The following PCDHGA9 variants were observed in gnomAD, a reference collection of about 807,000 sequenced individuals.
The protein encoded by PCDHGA9 is protocadherin gamma subfamily A, 9.
A neutral mutation model predicts 62.5 loss-of-function variants in PCDHGA9; 37 were observed. The ratio of observed to expected loss-of-function variants is 0.59; its 90% CI spans 0.46 to 0.78. The LOEUF is 0.78. Among genes scored for constraint, PCDHGA9 ranks in the 30% least tolerant of loss-of-function variants. The pLI is 0.00. For synonymous variants in PCDHGA9, 459 were observed against 484.6 expected, an observed-to-expected ratio of 0.95 and a Z score of 0.69; for missense variants, 1,138 against 1,166.2, an observed-to-expected ratio of 0.98 and a Z score of 0.35.
At chr5:141,505,536 C>T (rs749205049) in intron 3 of PCDHGA9, 55 bp downstream of exon 3, 9 of 1,610,164 alleles carry the variant, frequency 5.6e-6, no homozygotes, top group Non-Finnish European at 7.6e-6. Context: ...TTCTGGGGTG[C>T]ATCTCACAGC....
chr5:141,429,534 A>G (rs1036595279), intron 1 of PCDHGA9, among the ~76,000 whole-genome samples: 1 of 152,222 alleles, frequency 6.6e-6, no homozygotes. Context: ...GCTTAAAAAA[A>G]TAAGAACATG....
chr5:141,500,520 T>TA (rs2099801149), intron 2 of PCDHGA9, among the ~76,000 whole-genome samples: 2 of 152,312 alleles, frequency 1.3e-5, no homozygotes, highest in Admixed American at 1.3e-4. Flanking sequence ...AGCTTCATTT[T>TA]AAAAAAATCT....
At position 141,403,598 on chromosome 5, in the gene PCDHGA9, G is replaced by T; in HGVS notation, c.646G>T (p.Asp216Tyr). The T allele has an allele frequency of 6.2e-7, 1 of 1,613,820 alleles. No individual in the cohort carries two copies. The highest frequency in any genetic ancestry group is 8.5e-7 in the Non-Finnish European group (1 of 1,179,894). Residue 216 changes from aspartate to tyrosine, a missense_variant, in exon 1 of 4, where the codon GAT becomes TAT. Asp to Tyr is a radical substitution (Grantham distance 160). Coordinates refer to ENST00000573521, the MANE Select transcript of PCDHGA9 (RefSeq NM_018921.3). ...TAHHLVLTAS[D>Y]GGEPRRSSTV... The stretch of plus-strand genomic sequence containing the variant: ...CCACCACCTGGTCCTCACGGCCTCG[G>T]ATGGCGGCGAGCCGCGTCGCTCCAG...
chr5:141,497,509 C>T (rs1282025317), intron 2 of PCDHGA9, among the ~76,000 whole-genome samples: 1 of 151,184 alleles, frequency 6.6e-6, no homozygotes, highest in Non-Finnish European at 1.5e-5. Flanking sequence ...CTCTCTGCTT[C>T]CTTAGTTAAC....
In PCDHGA9 at chr5:141,478,818, C is replaced by T. The variant is rs980032138; in HGVS notation, c.2425-15989C>T. ...AGCACTCTTTTGCTATCACAACTAA[C>T]CAATCTTGCTAAGGGATGGTTAAGC... On this transcript the variant is annotated intron_variant, in intron 1 of 3. Transcript: ENST00000573521. The T allele has an allele frequency of 2.1e-5, 30 of 1,449,330 alleles. No individual in the cohort carries two copies. The African/African-American group carries it at 3.3e-4, about 16-fold the overall frequency. 89.8% of individuals were successfully genotyped at this position (1,449,330 alleles called of 1,614,324 possible). A position where few individuals can be genotyped will look rare whatever the true frequency, so the allele number is the denominator to read the frequency against.
chr5:141,483,730 T>G (rs999201456), intron 1 of PCDHGA9, among the ~76,000 whole-genome samples: 1 of 152,014 alleles, frequency 6.6e-6, no homozygotes, highest in Non-Finnish European at 1.5e-5. Flanking sequence ...CCCACCATAG[T>G]CAAAAGGATA....
At chr5:141,465,141 A>AT (rs1341872532) in intron 1 of PCDHGA9, among the ~76,000 whole-genome samples, 2 of 151,678 alleles carry the variant, frequency 1.3e-5, no homozygotes, top group Non-Finnish European at 2.9e-5. Flanking sequence ...AGTTTAGGGG[A>AT]TATATGAAGG....
At chr5:141,441,797 G>T in intron 1 of PCDHGA9, 1 of 386,536 alleles carries the variant, frequency 2.6e-6, no homozygotes, top group Non-Finnish European at 5.2e-6. Context: ...ACAACGCACC[G>T]CGGGTGCTGT....
chr5:141,504,135 C>T (rs758903340), intron 2 of PCDHGA9, among the ~76,000 whole-genome samples: 1 of 152,188 alleles, frequency 6.6e-6, no homozygotes, highest in Non-Finnish European at 1.5e-5. Context: ...CCCGCCAACA[C>T]TCCCCTGCAA....
Position 141,489,948 on chromosome 5 carries a change from T to G in PCDHGA9, c.2425-4859T>G. The G allele has an allele frequency of 6.2e-7, 1 of 1,614,210 alleles. No homozygotes were observed. Among genetic ancestry groups the G allele is most frequent in the Non-Finnish European group, 8.5e-7 (1 of 1,180,030 alleles). ...TCTCTGTCATCGTGCTGGACATCAA[T>G]GATAATGCTCCAACCTTCCAATCCT... On this transcript the variant is annotated intron_variant, in intron 1 of 3. Transcript: ENST00000573521. The surrounding 1 kb of genome is among the most constrained non-coding windows in gnomAD (Gnocchi z 4.5).
intron 1 of PCDHGA9, among the ~76,000 whole-genome samples, chr5:141,455,082 G>A (rs1323760148): frequency 1.3e-5 from 2 of 151,932 alleles, no homozygotes; most frequent in African/African-American, 2.4e-5. Context: ...AAAGTGCTGG[G>A]ATTACAGGCT....
chr5:141,477,678 C>A lies in PCDHGA9; in HGVS notation c.2425-17129C>A, dbSNP rs967769574. 1 of 1,614,182 alleles carries A rather than the reference C, an allele frequency of 6.2e-7. No individual in the cohort carries two copies. The highest frequency in any genetic ancestry group is 1.3e-5 in the African/African-American group (1 of 75,054). ...AATCGTGACAATGGCATAGTGTCAT[C>A]CTTAGTGCCCCTAGACTATGAGGAT... is the stretch of plus-strand genomic sequence containing the variant. On this transcript the variant is annotated intron_variant, in intron 1 of 3. Transcript: ENST00000573521. The surrounding 1 kb of genome is among the most constrained non-coding windows in gnomAD (Gnocchi z 4.9).
rs755270981 is a variant in PCDHGA9, at chr5:141,408,462, AGAACC to A, written c.2424+3090_2424+3094del. On this transcript the variant is annotated intron_variant, in intron 1 of 3. Coordinates refer to ENST00000573521, the MANE Select transcript of PCDHGA9 (RefSeq NM_018921.3). Reference sequence around the variant, plus strand: ...GCGGAGAGCGGGGACTTACTTGTGAAGAACCGAATAGACCGTGAGCAAATATGCAA... The same window carrying A: ...GCGGAGAGCGGGGACTTACTTGTGAAGAATAGACCGTGAGCAAATATGCAA... 2.2e-5 allele frequency: 35 copies of A among 1,613,962 alleles called. No homozygotes were observed. The South Asian group carries it at 3.3e-4, about 15-fold the overall frequency.
intron 1 of PCDHGA9, chr5:141,442,056 C>T: frequency 5.0e-6 from 1 of 198,150 alleles, no homozygotes; most frequent in Non-Finnish European, 1.0e-5. Flanking sequence ...GGTCGCGGTG[C>T]ACTGCGGTGG....
rs372676262 is a variant in PCDHGA9 at position 141,404,832 on chromosome 5, G to A, written c.1880G>A (p.Arg627His). Residue 627 changes from arginine (R) to histidine (H), a missense_variant, in exon 1 of 4, where the codon CGC becomes CAC. Coordinates refer to ENST00000573521, the MANE Select transcript of PCDHGA9 (RefSeq NM_018921.3). Reference protein sequence around the residue: ...FSVGLHTGEVRTARALLDRDA... With the variant: ...FSVGLHTGEVHTARALLDRDA... ...GTGGGGCTGCACACAGGTGAAGTGCGCACAGCTCGGGCCCTGCTAGATAGA... is the reference window on the plus strand; with the variant it reads ...GTGGGGCTGCACACAGGTGAAGTGCACACAGCTCGGGCCCTGCTAGATAGA... 34 of 1,613,864 alleles carry A rather than the reference G, an allele frequency of 2.1e-5. No individual in the cohort carries two copies. Among genetic ancestry groups the A allele is most frequent in the Middle Eastern group, 1.6e-4 (1 of 6,062 alleles).
At chr5:141,408,313 T>A (rs375849626) in intron 1 of PCDHGA9, 28 of 1,613,640 alleles carry the variant, frequency 1.7e-5, no homozygotes, top group Non-Finnish European at 2.0e-5. Flanking sequence ...GCTACTCGAT[T>A]CCGGAGGAGC....
chr5:141,511,450 C>A lies in PCDHGA9; in HGVS notation c.*277C>A. Reference sequence around the variant, plus strand: ...TGGGGTTACTGTAGACACCAAGAACCATTTGCCACACCCCGTTTAGTTACA... The same window carrying A: ...TGGGGTTACTGTAGACACCAAGAACAATTTGCCACACCCCGTTTAGTTACA... On this transcript the variant is annotated 3_prime_UTR_variant, in exon 4 of 4. Transcript: ENST00000573521. The A allele has an allele frequency of 3.3e-6, 2 of 615,088 alleles. No homozygotes were observed. The highest frequency in any genetic ancestry group is 6.8e-5 in the East Asian group (2 of 29,272). The allele number at this position is 615,088 out of a possible 1,614,324, so 38.1% of individuals were successfully genotyped here.
intron 1 of PCDHGA9, among the ~76,000 whole-genome samples, chr5:141,481,223 A>C (rs935737972): frequency 3.3e-5 from 5 of 152,242 alleles, no homozygotes; most frequent in Non-Finnish European, 7.3e-5. Context: ...AAGGTCTCCC[A>C]GCCTTAAAGT....
At chr5:141,409,893 A>G in intron 1 of PCDHGA9, 2 of 1,613,138 alleles carry the variant, frequency 1.2e-6, no homozygotes, top group Middle Eastern at 3.3e-4. Flanking sequence ...CGGGTGCTGT[A>G]CCCAGCTCTG....
Sources: gnomAD v4.1 joint callset for allele counts (sites outside exome capture counted in the v4.1 genomes callset) on GRCh38, gnomAD v4.1.1 for gene constraint, Gnocchi (gnomAD v3.1) non-coding constraint, MANE v1.5 for transcripts, NCBI Gene and HGNC (gene_info 2026-07-23, HGNC 2026-07-21) for gene names.